EXOC6B: variants seen among roughly 807,000 people sequenced by gnomAD.
EXOC6B encodes SEC15 homolog B.
In EXOC6B, 54 loss-of-function variants were observed where a neutral mutation model predicts 113.5. That is an observed-to-expected ratio of 0.48 (90% CI 0.38 to 0.60). The LOEUF (loss-of-function observed/expected upper bound fraction) is 0.60, where lower values mean the gene tolerates loss of function less well. Among genes scored for constraint, EXOC6B ranks in the 20% least tolerant of loss-of-function variants. The probability of loss-of-function intolerance (pLI) is 0.00; values close to 1 mark genes in which losing one functional copy is unlikely to be tolerated. For synonymous variants in EXOC6B, 357 were observed against 339.0 expected (o/e 1.05, Z -0.58); for missense variants, 797 against 977.5 (o/e 0.82, Z 2.46).
rs1573330614 is a variant in EXOC6B, at chr2:72,529,029, C to T, written c.916-13903G>A. 2.0e-5 allele frequency among the ~76,000 whole-genome samples: 3 copies of T among 152,178 alleles called. No individual in the cohort carries two copies. In the South Asian group the frequency reaches 6.2e-4, roughly 32 times the overall value. On this transcript the variant is annotated intron_variant, in intron 8 of 21. Transcript: ENST00000272427. The stretch of plus-strand genomic sequence containing the variant: ...TATTTCTTCCTTTCCATTCTGCATG[C>T]CCTTTATCTCCTTTCCTTGCTCTAA...
At chr2:72,736,063 G>T (rs1415266543) in intron 2 of EXOC6B, among the ~76,000 whole-genome samples, 1 of 151,650 alleles carries the variant, frequency 6.6e-6, no homozygotes, top group Non-Finnish European at 1.5e-5. Context: ...TGCACCTGTA[G>T]TCCCAGCTAC....
intron 17 of EXOC6B, among the ~76,000 whole-genome samples, chr2:72,467,407 C>A (rs1698123116): frequency 6.6e-6 from 1 of 152,142 alleles, no homozygotes; most frequent in African/African-American, 2.4e-5. Context: ...GGGGAACCTC[C>A]ATACTGTTTT....
At chr2:72,658,585 T>C (rs1332896228) in intron 6 of EXOC6B, among the ~76,000 whole-genome samples, 2 of 151,886 alleles carry the variant, frequency 1.3e-5, no homozygotes, top group East Asian at 3.9e-4. Flanking sequence ...AGAGTCAACA[T>C]AGAGCTTCCA....
intron 18 of EXOC6B, among the ~76,000 whole-genome samples, chr2:72,380,716 C>T (rs916535669): frequency 6.6e-6 from 1 of 152,020 alleles, no homozygotes; most frequent in African/African-American, 2.4e-5. Context: ...TAAGGGGATG[C>T]ATTTTGTTTT....
intron 7 of EXOC6B, among the ~76,000 whole-genome samples, chr2:72,561,454 G>T (rs899126915): frequency 2.6e-5 from 4 of 151,920 alleles, no homozygotes; most frequent in African/African-American, 4.8e-5. Context: ...TCATAATTTT[G>T]TTTATATGTT....
rs776093703 is a variant in EXOC6B, at chr2:72,480,599, C to T, written c.1800+17G>A. 1.9e-6 allele frequency: 3 copies of T among 1,569,366 alleles called. No individual in the cohort carries two copies. Among genetic ancestry groups the T allele is most frequent in the Non-Finnish European group, 2.6e-6 (3 of 1,155,510 alleles). On this transcript the variant is annotated intron_variant, in intron 17 of 21. Transcript: ENST00000272427. The stretch of plus-strand genomic sequence containing the variant: ...GTACACCAGAAGCAGTTCCACAGTA[C>T]TGTAGGGCCCTCTCACCTTAAAAGT...
chr2:72,669,387 G>A (rs1417565116), intron 6 of EXOC6B, among the ~76,000 whole-genome samples: 1 of 150,202 alleles, frequency 6.7e-6, no homozygotes, highest in African/African-American at 2.4e-5. Flanking sequence ...GTCAAGAAGT[G>A]ATTCTGATTT....
At chr2:72,369,272 C>G (rs1007142905) in intron 19 of EXOC6B, among the ~76,000 whole-genome samples, 7 of 152,038 alleles carry the variant, frequency 4.6e-5, no homozygotes, top group South Asian at 2.1e-4. Flanking sequence ...TTGCTTCAAA[C>G]AGAATAAAAT....
chr2:72,267,220 C>A (rs1303863293), intron 20 of EXOC6B, among the ~76,000 whole-genome samples: 3 of 152,178 alleles, frequency 2.0e-5, no homozygotes, highest in African/African-American at 7.2e-5. Context: ...AATTTGACTT[C>A]CTCTTTTCCT....
intron 6 of EXOC6B, among the ~76,000 whole-genome samples, chr2:72,671,326 T>C (rs1675779024): frequency 6.6e-6 from 1 of 151,990 alleles, no homozygotes; most frequent in African/African-American, 2.4e-5. Context: ...TAAAACAAAA[T>C]CTCATTTAAA....
At chr2:72,246,142 G>A (rs1290367409) in intron 20 of EXOC6B, among the ~76,000 whole-genome samples, 2 of 152,026 alleles carry the variant, frequency 1.3e-5, no homozygotes, top group Non-Finnish European at 2.9e-5. Context: ...TCCCACCCCA[G>A]TCTCCCAAAG....
chr2:72,390,053 C>G (rs1692275030), intron 18 of EXOC6B, among the ~76,000 whole-genome samples: 1 of 152,048 alleles, frequency 6.6e-6, no homozygotes, highest in Non-Finnish European at 1.5e-5. Flanking sequence ...CCACTGCACC[C>G]CAGCCTGGGT....
chr2:72,759,462 G>A lies in EXOC6B; in HGVS notation c.114-17993C>T, dbSNP rs540251414. 6.6e-5 allele frequency among the ~76,000 whole-genome samples: 10 copies of A among 152,220 alleles called. No individual in the cohort carries two copies. The South Asian group carries it at 2.1e-3, about 32-fold the overall frequency. On this transcript the variant is annotated intron_variant, in intron 1 of 21. Transcript: ENST00000272427. ...TTTTCCATATTGCTATAGGCATGTA[G>A]TTGATACTCTGAATCTACAATTTAC... is the stretch of plus-strand genomic sequence containing the variant.
At chr2:72,203,645 G>A (rs930316973) in intron 20 of EXOC6B, among the ~76,000 whole-genome samples, 2 of 152,150 alleles carry the variant, frequency 1.3e-5, no homozygotes, top group African/African-American at 4.8e-5. Flanking sequence ...ATAGAAGCTA[G>A]TTCGAGATTT....
intron 12 of EXOC6B, among the ~76,000 whole-genome samples, chr2:72,498,981 G>A (rs780853547): frequency 6.6e-6 from 1 of 152,042 alleles, no homozygotes; most frequent in South Asian, 2.1e-4. Flanking sequence ...CAAGATGGTA[G>A]TTAAAGAAAC....
chr2:72,194,597 C>CTCTCTCTCTCTCTCTCTCTCTCTG (rs747161190), intron 20 of EXOC6B, among the ~76,000 whole-genome samples: 1 of 147,298 alleles, frequency 6.8e-6, no homozygotes, highest in African/African-American at 2.5e-5. Flanking sequence ...CTCTCTCTCT[C>CTCTCTCTCTCTCTCTCTCTCTCTG]TGTGTGTGTG....
chr2:72,395,641 G>A (rs1692679329), intron 18 of EXOC6B, among the ~76,000 whole-genome samples: 1 of 152,110 alleles, frequency 6.6e-6, no homozygotes, highest in Non-Finnish European at 1.5e-5. Flanking sequence ...GTAAAAACAA[G>A]ATAGGACTAA....
intron 18 of EXOC6B, among the ~76,000 whole-genome samples, chr2:72,432,463 A>G (rs1322346664): frequency 6.6e-6 from 1 of 152,196 alleles, no homozygotes; most frequent in Non-Finnish European, 1.5e-5. Flanking sequence ...GCTGTGTCAA[A>G]TGGTATTTCT....
intron 2 of EXOC6B, among the ~76,000 whole-genome samples, chr2:72,738,535 C>A (rs1271920818): frequency 1.3e-5 from 2 of 152,164 alleles, no homozygotes; most frequent in African/African-American, 4.8e-5. Context: ...TTCTGATGAA[C>A]ATTCAAAATC....
Sources: allele counts gnomAD v4.1 joint callset (sites outside exome capture counted in the v4.1 genomes callset), GRCh38; gene constraint gnomAD v4.1.1; transcripts MANE v1.5; gene names NCBI Gene and HGNC (gene_info 2026-07-23, HGNC 2026-07-21).